Variants in PHGDH observed in about 807,000 individuals in gnomAD.
The protein encoded by PHGDH is phosphoglycerate dehydrogenase, also known as D-3-phosphoglycerate dehydrogenase.
In PHGDH, 50 loss-of-function variants were observed where a neutral mutation model predicts 52.6. The observed-to-expected ratio is 0.95, with a 90% confidence interval of 0.76 to 1.20. The LOEUF is 1.20. Among genes scored for constraint, PHGDH ranks in the 50% most tolerant of loss-of-function variants. The probability of loss-of-function intolerance (pLI) is 0.00; values close to 1 mark genes in which losing one functional copy is unlikely to be tolerated. For synonymous variants in PHGDH, 271 were observed against 280.5 expected, an observed-to-expected ratio of 0.97 and a Z score of 0.34; for missense variants, 630 against 684.6, an observed-to-expected ratio of 0.92 and a Z score of 0.89.
intron 9 of PHGDH, 56 bp downstream of exon 9, chr1:119,740,574 CTG>C: frequency 7.0e-7 from 1 of 1,432,380 alleles, no homozygotes; most frequent in Non-Finnish European, 9.6e-7. Context: ...AGTGTGGGAT[CTG>C]CCCTGCTGGG....
At chr1:119,731,251 G>C (rs1030670369) in intron 5 of PHGDH, among the ~76,000 whole-genome samples, 2 of 152,182 alleles carry the variant, frequency 1.3e-5, no homozygotes, top group African/African-American at 4.8e-5. Flanking sequence ...GCCTACCTGT[G>C]GTCTGAGTCA....
intron 5 of PHGDH, among the ~76,000 whole-genome samples, chr1:119,731,591 G>A (rs587775689): frequency 6.6e-6 from 1 of 152,316 alleles, no homozygotes; most frequent in East Asian, 1.9e-4. Flanking sequence ...GAGGTCTACT[G>A]TGTCGGTTCC....
chr1:119,744,033 A>G lies in PHGDH; in HGVS notation c.1595A>G (p.His532Arg), dbSNP rs959684288. Reference sequence around the variant, plus strand: ...CATGTGACTGAAGCCTTCCAGTTCCACTTCTAACCTTGGAGCTCACTGGTC... The same window carrying G: ...CATGTGACTGAAGCCTTCCAGTTCCGCTTCTAACCTTGGAGCTCACTGGTC... ...KQHVTEAFQF[H>R]F Residue 532 changes from histidine (H) to arginine (R), a missense_variant, in exon 12 of 12, where the codon CAC becomes CGC. His to Arg is a conservative substitution (Grantham distance 29, BLOSUM62 0). Transcript: ENST00000641023. 3.1e-6 allele frequency: 5 copies of G among 1,613,982 alleles called. No individual in the cohort carries two copies. Among genetic ancestry groups the G allele is most frequent in the Non-Finnish European group, 4.2e-6 (5 of 1,179,988 alleles).
intron 1 of PHGDH, among the ~76,000 whole-genome samples, chr1:119,718,857 C>T (rs1299248734): frequency 6.6e-6 from 1 of 152,132 alleles, no homozygotes; most frequent in Non-Finnish European, 1.5e-5. Flanking sequence ...GAGACCAAAA[C>T]TGCAGGTCTA....
chr1:119,716,099 T>C (rs776325330), intron 1 of PHGDH, among the ~76,000 whole-genome samples: 32 of 152,150 alleles, frequency 2.1e-4, no homozygotes, highest in Non-Finnish European at 4.1e-4. Flanking sequence ...TGTGAATATG[T>C]GCTGATTGAA....
intron 8 of PHGDH, among the ~76,000 whole-genome samples, chr1:119,738,646 C>T (rs1260780456): frequency 6.6e-6 from 1 of 152,238 alleles, no homozygotes; most frequent in Non-Finnish European, 1.5e-5. Context: ...CCCTTTCAGC[C>T]TTCTCAGAAA....
At chr1:119,714,891 T>A (rs1367296711) in intron 1 of PHGDH, among the ~76,000 whole-genome samples, 2 of 152,188 alleles carry the variant, frequency 1.3e-5, no homozygotes, top group African/African-American at 2.4e-5. Flanking sequence ...CAATCCAGCC[T>A]GGGCAACAGA....
intron 7 of PHGDH, among the ~76,000 whole-genome samples, chr1:119,736,674 A>C (rs1487545408): frequency 1.3e-5 from 2 of 152,230 alleles, no homozygotes; most frequent in East Asian, 3.9e-4. Context: ...CATCGACAGC[A>C]AGTGCTGCAT....
intron 3 of PHGDH, among the ~76,000 whole-genome samples, chr1:119,726,214 GT>G: frequency 6.6e-6 from 1 of 151,226 alleles, no homozygotes; most frequent in Non-Finnish European, 1.5e-5. Flanking sequence ...GTGTGTGTGT[GT>G]GTGTGTGTGT....
At chr1:119,741,621 G>T in intron 9 of PHGDH, 146 bp from the exon 10 acceptor site, 1 of 761,742 alleles carries the variant, frequency 1.3e-6, no homozygotes, top group Non-Finnish European at 2.4e-6. Flanking sequence ...ACTGAAGGGC[G>T]AGTGGACCTG....
chr1:119,734,919 C>A lies in PHGDH; in HGVS notation c.643+153C>A, dbSNP rs140581018. The A allele has an allele frequency of 7.1e-6, 6 of 850,484 alleles. No homozygotes were observed. The African/African-American group carries it at 8.2e-5, about 12-fold the overall frequency. The allele number at this position is 850,484 out of a possible 1,614,324, so 52.7% of individuals were successfully genotyped here. A position where few individuals can be genotyped will look rare whatever the true frequency, so the allele number is the denominator to read the frequency against. ...GAGGCTGGTGTTTTGTTAGACACCC[C>A]TACGTTGGATAGGGGAGGGTGAGCC... On this transcript the variant is annotated intron_variant, in intron 6 of 11. Transcript: ENST00000641023.
intron 5 of PHGDH, among the ~76,000 whole-genome samples, chr1:119,733,112 A>C (rs1651773045): frequency 6.6e-6 from 1 of 152,072 alleles, no homozygotes; most frequent in African/African-American, 2.4e-5. Context: ...TCTGAAAAAG[A>C]CCACCAGCGT....
rs2101224413 is a variant in PHGDH, at chr1:119,742,803, A to G, written c.1210-4A>G. 6.3e-7 allele frequency: 1 copy of G among 1,587,412 alleles called. No homozygotes were observed. Among genetic ancestry groups the G allele is most frequent in the Non-Finnish European group, 8.6e-7 (1 of 1,161,334 alleles). On this transcript the variant is annotated splice_polypyrimidine_tract_variant and splice_region_variant and intron_variant, in intron 10 of 11. Transcript: ENST00000641023. Reference sequence around the variant, plus strand: ...GTAACAGTCACCTTGCCTTCTCCACACAGGTCACCACCTCCCACAGCCCTG... The same window carrying G: ...GTAACAGTCACCTTGCCTTCTCCACGCAGGTCACCACCTCCCACAGCCCTG...
chr1:119,724,669 T>A (rs1557970100), intron 3 of PHGDH: 1 of 384,596 alleles, frequency 2.6e-6, no homozygotes, highest in Non-Finnish European at 5.0e-6. Flanking sequence ...ATTTTTTTTT[T>A]TTTTTTTGAG....
rs121907988 is a variant in PHGDH at position 119,742,870 on chromosome 1, G to A, written c.1273G>A (p.Val425Met). 29 of 1,613,822 alleles carry A rather than the reference G, an allele frequency of 1.8e-5. No homozygotes were observed. The highest frequency in any genetic ancestry group is 1.6e-4 in the Middle Eastern group (1 of 6,078). Reference sequence around the variant, plus strand: ...AGGCTTCGGGGAATGCCTCCTGGCCGTGGCCCTGGCAGGCGCCCCTTACCA... The same window carrying A: ...AGGCTTCGGGGAATGCCTCCTGGCCATGGCCCTGGCAGGCGCCCCTTACCA... ...EQGFGECLLA[V>M]ALAGAPYQAV... Residue 425 changes from valine (V) to methionine (M), a missense_variant, in exon 11 of 12, where the codon GTG (valine) becomes ATG (methionine). By Grantham distance (21) the Val-to-Met change is conservative. Transcript: ENST00000641023.
chr1:119,738,179 G>C (rs1289209635), intron 8 of PHGDH, among the ~76,000 whole-genome samples: 67 of 152,116 alleles, frequency 4.4e-4, no homozygotes, highest in Admixed American at 4.4e-3. Flanking sequence ...AGGCCATGGA[G>C]TCAAAGGGTC....
At chr1:119,742,455 C>G (rs1571020135) in intron 10 of PHGDH, 1 of 462,816 alleles carries the variant, frequency 2.2e-6, no homozygotes, top group East Asian at 4.3e-5. Context: ...GCATGCCAGT[C>G]ATGCCACTGA....
In PHGDH at chr1:119,734,689, A is replaced by C. The variant is rs750124525; in HGVS notation, c.566A>C (p.Gln189Pro). 48 of 1,613,976 alleles carry C rather than the reference A, an allele frequency of 3.0e-5. No homozygotes were observed. Among genetic ancestry groups the C allele is most frequent in the Non-Finnish European group, 4.0e-5 (47 of 1,179,926 alleles). ...GAGGTCTCGGCCTCCTTTGGTGTTC[A>C]GCAGCTGCCCCTGGAGGAGATCTGG... ...SPEVSASFGVQQLPLEEIWPL... is the reference protein window; with the variant it reads ...SPEVSASFGVPQLPLEEIWPL... The change falls in exon 6 of 12, where the codon CAG (glutamine) becomes CCG (proline). Residue 189 changes from glutamine (Q) to proline (P), a missense_variant. Physicochemically the swap from Gln to Pro is moderately conservative, Grantham distance 76 (BLOSUM62 -1). Transcript: ENST00000641023.
chr1:119,743,079 T>G, intron 11 of PHGDH, 35 bp downstream of exon 11: 1 of 1,392,426 alleles, frequency 7.2e-7, no homozygotes, highest in Non-Finnish European at 1.0e-6. Context: ...CTGGTGTCCT[T>G]GAGGCTGGGG....
Sources: allele counts gnomAD v4.1 joint callset (sites outside exome capture counted in the v4.1 genomes callset), GRCh38; gene constraint gnomAD v4.1.1; transcripts MANE v1.5; gene names NCBI Gene and HGNC (gene_info 2026-07-23, HGNC 2026-07-21).